RPS6KA2: variants seen among roughly 807,000 people sequenced by gnomAD.
RPS6KA2 encodes ribosomal protein S6 kinase alpha-2.
In RPS6KA2, 42 loss-of-function variants were observed where a neutral mutation model predicts 91.8. That is an observed-to-expected ratio of 0.46 (90% CI 0.36 to 0.59). RPS6KA2 has a LOEUF of 0.59. Among genes scored for constraint, RPS6KA2 ranks in the 20% least tolerant of loss-of-function variants. RPS6KA2 has a pLI of 0.00. For synonymous variants in RPS6KA2, 414 were observed against 393.6 expected (o/e 1.05, Z -0.61); for missense variants, 798 against 978.5 (o/e 0.82, Z 2.46).
In RPS6KA2 at chr6:166,600,597, C is replaced by A. The variant is rs1785699833; in HGVS notation, c.99+26324G>T. ...TAGTGCAGGAAGTCCACCTGATTATCTTTGAATAAGAACCTACGAGAGTCT... is the reference window on the plus strand; with the variant it reads ...TAGTGCAGGAAGTCCACCTGATTATATTTGAATAAGAACCTACGAGAGTCT... On this transcript the variant is annotated intron_variant, in intron 1 of 20. Coordinates refer to ENST00000265678, the MANE Select transcript of RPS6KA2 (RefSeq NM_021135.6). Among the ~76,000 whole-genome samples the A allele has an allele frequency of 2.0e-5, 3 of 152,342 alleles. No homozygotes were observed. The South Asian group carries it at 6.2e-4, about 32-fold the overall frequency.
rs531507585 is a variant in RPS6KA2 at position 166,483,454 on chromosome 6, C to T, written c.907+5379G>A. Among the ~76,000 whole-genome samples the T allele has an allele frequency of 5.1e-4, 78 of 152,290 alleles. No individual in the cohort carries two copies. In the South Asian group the frequency reaches 0.012, roughly 24 times the overall value. On this transcript the variant is annotated intron_variant, in intron 10 of 20. Coordinates refer to ENST00000265678, the MANE Select transcript of RPS6KA2 (RefSeq NM_021135.6). ...GAATCCACCGCTTCTAGCAGGAGGA[C>T]GGCCCGCAAACGCTCAGGGGAAAGG...
intron 5 of RPS6KA2, among the ~76,000 whole-genome samples, chr6:166,505,383 C>A (rs1160153587): frequency 6.6e-6 from 1 of 152,184 alleles, no homozygotes; most frequent in Non-Finnish European, 1.5e-5. Flanking sequence ...AAAGCCATCG[C>A]CCCATAATGA....
chr6:166,442,970 T>G (rs2034984086), intron 14 of RPS6KA2, among the ~76,000 whole-genome samples: 1 of 152,236 alleles, frequency 6.6e-6, no homozygotes, highest in South Asian at 2.1e-4. Context: ...AACTTTTGAC[T>G]TCGCCAAAAC....
intron 2 of RPS6KA2, among the ~76,000 whole-genome samples, chr6:166,841,460 G>A (rs1042002190): frequency 6.6e-6 from 1 of 152,258 alleles, no homozygotes; most frequent in African/African-American, 2.4e-5. Flanking sequence ...TCCAAAGCCT[G>A]AAGATGAAAG....
At chr6:166,558,906 T>C (rs1784258052) in intron 1 of RPS6KA2, among the ~76,000 whole-genome samples, 1 of 152,230 alleles carries the variant, frequency 6.6e-6, no homozygotes, top group South Asian at 2.1e-4. Flanking sequence ...AAGTGCTTTA[T>C]GTGAGGCAGA....
At chr6:166,446,555 CCA>C (rs1337492244) in intron 14 of RPS6KA2, among the ~76,000 whole-genome samples, 2 of 152,180 alleles carry the variant, frequency 1.3e-5, no homozygotes, top group African/African-American at 4.8e-5. Context: ...TGCTGAAATT[CCA>C]CAGAGTTTGA....
At position 166,789,565 on chromosome 6, in the gene RPS6KA2, C is replaced by T. The variant is rs573198574; in HGVS notation, c.123+68635G>A. 2.9e-4 allele frequency among the ~76,000 whole-genome samples: 44 copies of T among 152,356 alleles called. No individual in the cohort carries two copies. In the East Asian group the frequency reaches 7.5e-3, roughly 26 times the overall value. ...GATCTGAGAACAGGCAGACTGCCTC[C>T]TCAAGTGGGTCCCTGACCCCCGAGC... On this transcript the variant is annotated intron_variant, in intron 2 of 21. Transcript: ENST00000503859.
At position 166,423,467 on chromosome 6, in the gene RPS6KA2, G is replaced by A; in HGVS notation, c.1582-50C>T. On this transcript the variant is annotated intron_variant, in intron 16 of 20. Transcript: ENST00000265678. This position sits in a 1 kb window ranked among gnomAD's most constrained non-coding sequence, Gnocchi z 4.8. ...TACTTGGGGGCTGAGGACTGAGCAGGAGAGGGAGGGCAGGTGCATTTGGAG... is the reference window on the plus strand; with the variant it reads ...TACTTGGGGGCTGAGGACTGAGCAGAAGAGGGAGGGCAGGTGCATTTGGAG... The A allele has an allele frequency of 6.4e-7, 1 of 1,550,654 alleles. No individual in the cohort carries two copies. The highest frequency in any genetic ancestry group is 8.8e-7 in the Non-Finnish European group (1 of 1,137,320).
chr6:166,541,079 A>T (rs1783638410), intron 1 of RPS6KA2, among the ~76,000 whole-genome samples: 1 of 152,212 alleles, frequency 6.6e-6, no homozygotes, highest in Non-Finnish European at 1.5e-5. Context: ...CGCATGAGTC[A>T]TCCAAACCCC....
intron 2 of RPS6KA2, among the ~76,000 whole-genome samples, chr6:166,840,918 G>C (rs112655008): frequency 6.6e-6 from 1 of 151,718 alleles, no homozygotes; most frequent in East Asian, 1.9e-4. Flanking sequence ...AGCTGAGATC[G>C]TGCCATTACA....
chr6:166,452,733 G>A (rs1196509072), intron 12 of RPS6KA2, among the ~76,000 whole-genome samples: 1 of 152,160 alleles, frequency 6.6e-6, no homozygotes, highest in Non-Finnish European at 1.5e-5. Context: ...ATGATACCGG[G>A]AAAATTAGTT....
rs1320327990 is a variant in RPS6KA2 at position 166,494,539 on chromosome 6, A to G, written c.748-3798T>C. Among the ~76,000 whole-genome samples the G allele has an allele frequency of 6.6e-6, 1 of 152,250 alleles. No homozygotes were observed. Among genetic ancestry groups the G allele is most frequent in the Non-Finnish European group, 1.5e-5 (1 of 68,046 alleles). On this transcript the variant is annotated intron_variant, in intron 8 of 20. Transcript: ENST00000265678. This position sits in a 1 kb window ranked among gnomAD's most constrained non-coding sequence, Gnocchi z 5.1. Reference sequence around the variant, plus strand: ...TGCTCAAGAGATGCTTTAGATGTTTACAAAACAGCCCAAATATCCTTCTAG... The same window carrying G: ...TGCTCAAGAGATGCTTTAGATGTTTGCAAAACAGCCCAAATATCCTTCTAG...
intron 2 of RPS6KA2, among the ~76,000 whole-genome samples, chr6:166,774,209 T>A (rs1052538092): frequency 1.3e-5 from 2 of 152,196 alleles, no homozygotes; most frequent in African/African-American, 4.8e-5. Context: ...CCAAATTTTA[T>A]AACACAAAAG....
chr6:166,599,294 G>A (rs890543276), intron 1 of RPS6KA2, among the ~76,000 whole-genome samples: 2 of 152,216 alleles, frequency 1.3e-5, no homozygotes, highest in African/African-American at 4.8e-5. Context: ...AATATGTGCT[G>A]ATTTCCTTCT....
intron 10 of RPS6KA2, among the ~76,000 whole-genome samples, chr6:166,483,353 C>A (rs1008826540): frequency 1.3e-5 from 2 of 152,194 alleles, no homozygotes; most frequent in Non-Finnish European, 2.9e-5. Flanking sequence ...GGGCCGCAGA[C>A]CAGAAGCTCA....
chr6:166,423,191 T>C lies in RPS6KA2; in HGVS notation c.1743+65A>G, dbSNP rs375236617. 17 of 1,496,820 alleles carry C rather than the reference T, an allele frequency of 1.1e-5. No individual in the cohort carries two copies. The Middle Eastern group carries it at 6.0e-4, about 52-fold the overall frequency. The allele number at this position is 1,496,820 out of a possible 1,614,324, so 92.7% of individuals were successfully genotyped here. A position where few individuals can be genotyped will look rare whatever the true frequency, so the allele number is the denominator to read the frequency against. On this transcript the variant is annotated intron_variant, in intron 17 of 20. Coordinates refer to ENST00000265678, the MANE Select transcript of RPS6KA2 (RefSeq NM_021135.6). This position sits in a 1 kb window ranked among gnomAD's most constrained non-coding sequence, Gnocchi z 4.8. ...TCCCCGCTGTCCGGTGGCTCTGCAG[T>C]GGGAGGGGGCAGAGCCTGTCTTTGC...
intron 2 of RPS6KA2, among the ~76,000 whole-genome samples, chr6:166,723,891 G>A (rs1281059850): frequency 6.6e-6 from 1 of 151,808 alleles, no homozygotes; most frequent in Non-Finnish European, 1.5e-5. Flanking sequence ...GTAGAGATGG[G>A]GTTTCTCCAT....
intron 2 of RPS6KA2, among the ~76,000 whole-genome samples, chr6:166,708,673 T>C (rs1300041820): frequency 6.6e-6 from 1 of 152,236 alleles, no homozygotes; most frequent in African/African-American, 2.4e-5. Context: ...CACCAGGCAG[T>C]GCACACTGCT....
At chr6:166,743,062 G>T (rs1400883073) in intron 2 of RPS6KA2, among the ~76,000 whole-genome samples, 3 of 152,326 alleles carry the variant, frequency 2.0e-5, no homozygotes, top group Non-Finnish European at 4.4e-5. Flanking sequence ...GACAAGAATG[G>T]CCTGCTGCAA....
Sources: allele counts gnomAD v4.1 joint callset (sites outside exome capture counted in the v4.1 genomes callset), GRCh38; gene constraint gnomAD v4.1.1; non-coding constraint Gnocchi (gnomAD v3.1); transcripts MANE v1.5; gene names NCBI Gene and HGNC (gene_info 2026-07-23, HGNC 2026-07-21).